Variants in PCDHA6 observed in about 807,000 individuals in gnomAD.
The protein encoded by PCDHA6 is protocadherin alpha-6.
In PCDHA6, 55 loss-of-function variants were observed where a neutral mutation model predicts 60.3. The ratio of observed to expected loss-of-function variants is 0.91; its 90% CI spans 0.73 to 1.14. The LOEUF is 1.14. PCDHA6 is among the 50% of genes most tolerant of loss of function. PCDHA6 has a pLI of 0.00. For synonymous variants in PCDHA6, 652 were observed against 557.9 expected, an observed-to-expected ratio of 1.17 and a Z score of -2.38; for missense variants, 1,327 against 1,256.5, an observed-to-expected ratio of 1.06 and a Z score of -0.85.
intron 1 of PCDHA6, among the ~76,000 whole-genome samples, chr5:140,838,676 C>T (rs1236293841): frequency 6.6e-6 from 1 of 152,090 alleles, no homozygotes; most frequent in East Asian, 1.9e-4. Flanking sequence ...TGGCACACAC[C>T]TTTAACCCCA....
At chr5:140,888,938 G>T (rs947628683) in intron 1 of PCDHA6, among the ~76,000 whole-genome samples, 1 of 151,864 alleles carries the variant, frequency 6.6e-6, no homozygotes, top group Admixed American at 6.6e-5. Flanking sequence ...TTTGAGGGAG[G>T]TATAAATTTT....
Position 140,882,079 on chromosome 5 carries a change from G to A in PCDHA6, c.2394+51594G>A. ...CTTACACGTTCATGCGCATGGTGTC[G>A]CTCTTCACTGAGAACGTTTCCGCGA... On this transcript the variant is annotated intron_variant, in intron 1 of 3. Transcript: ENST00000529310. The A allele has an allele frequency of 3.1e-6, 3 of 952,852 alleles. No homozygotes were observed. In the East Asian group the frequency reaches 7.8e-5, roughly 25 times the overall value. 59.0% of individuals were successfully genotyped at this position (952,852 alleles called of 1,614,324 possible). A position where few individuals can be genotyped will look rare whatever the true frequency, so the allele number is the denominator to read the frequency against.
At chr5:140,869,718 T>C in intron 1 of PCDHA6, 1 of 1,613,408 alleles carries the variant, frequency 6.2e-7, no homozygotes, top group Non-Finnish European at 8.5e-7. Context: ...GAGAGAAAAC[T>C]CCGGAACTTA....
intron 1 of PCDHA6, chr5:140,928,140 G>C (rs200493520): frequency 2.5e-5 from 41 of 1,614,036 alleles, no homozygotes; most frequent in Non-Finnish European, 3.2e-5. Context: ...TCCTGATCAC[G>C]GCCTCAGATA....
At chr5:140,869,560 C>T in intron 1 of PCDHA6, 1 of 1,614,158 alleles carries the variant, frequency 6.2e-7, no homozygotes, top group Non-Finnish European at 8.5e-7. Context: ...CTCGCGTTTT[C>T]CACTAGAGGG....
intron 1 of PCDHA6, chr5:140,875,641 G>A (rs782380583): frequency 6.2e-7 from 1 of 1,613,690 alleles, no homozygotes; most frequent in South Asian, 1.1e-5. Flanking sequence ...GCTGGAGCTG[G>A]CGGAGCTGGT....
intron 1 of PCDHA6, chr5:140,928,185 C>CA: frequency 1.2e-6 from 2 of 1,614,184 alleles, no homozygotes; most frequent in Non-Finnish European, 1.7e-6. Context: ...GAAGGACAAT[C>CA]ACTGTGTCAG....
At chr5:140,914,646 C>A (rs2076792238) in intron 1 of PCDHA6, among the ~76,000 whole-genome samples, 1 of 152,018 alleles carries the variant, frequency 6.6e-6, no homozygotes, top group Admixed American at 6.5e-5. Context: ...ATGGTCATCT[C>A]TCCCTTCTTT....
At chr5:140,872,095 C>G (rs2053482377) in intron 1 of PCDHA6, among the ~76,000 whole-genome samples, 1 of 152,150 alleles carries the variant, frequency 6.6e-6, no homozygotes, top group African/African-American at 2.4e-5. Context: ...GCACTTAGTC[C>G]ATTGGCTTTC....
rs544594142 is a variant in PCDHA6, at chr5:141,011,456, T to C, written c.*1519T>C. On this transcript the variant is annotated 3_prime_UTR_variant, in exon 4 of 4. Transcript: ENST00000529310. Reference sequence around the variant, plus strand: ...TACCTAGAGTGAACTTTAAGCTTTATTGTTGAATGTAATTCCATTATATTT... The same window carrying C: ...TACCTAGAGTGAACTTTAAGCTTTACTGTTGAATGTAATTCCATTATATTT... The C allele has an allele frequency of 1.3e-5, 2 of 153,928 alleles. No homozygotes were observed. The highest frequency in any genetic ancestry group is 6.8e-3 in the Middle Eastern group (2 of 292). 9.5% of individuals were successfully genotyped at this position (153,928 alleles called of 1,614,324 possible).
intron 1 of PCDHA6, among the ~76,000 whole-genome samples, chr5:140,937,805 G>A (rs1192616946): frequency 1.3e-5 from 2 of 149,798 alleles, no homozygotes; most frequent in African/African-American, 2.5e-5. Context: ...CCAGCTACTC[G>A]GGAAGCTGAG....
intron 1 of PCDHA6, chr5:140,848,954 A>G (rs2150426355): frequency 1.4e-5 from 23 of 1,606,754 alleles, no homozygotes; most frequent in Admixed American, 5.1e-5. Flanking sequence ...CTCGGTTTCC[A>G]CTAGAGGGCG....
At chr5:140,840,992 T>G (rs2150176652) in intron 1 of PCDHA6, among the ~76,000 whole-genome samples, 1 of 152,166 alleles carries the variant, frequency 6.6e-6, no homozygotes, top group African/African-American at 2.4e-5. Context: ...TAGCTGAAAC[T>G]AATGTAAGGA....
intron 1 of PCDHA6, among the ~76,000 whole-genome samples, chr5:140,838,200 G>A (rs1223762976): frequency 2.7e-5 from 4 of 149,112 alleles, no homozygotes; most frequent in Non-Finnish European, 4.4e-5. Context: ...TGCAAAATCC[G>A]CCTCTCTGGT....
intron 1 of PCDHA6, chr5:140,968,379 A>C: frequency 6.2e-7 from 1 of 1,614,034 alleles, no homozygotes; most frequent in Non-Finnish European, 8.5e-7. Context: ...AACTCCTTTG[A>C]CTATGAGAAG....
intron 1 of PCDHA6, chr5:140,864,363 C>G (rs1389030549): frequency 6.6e-6 from 1 of 152,156 alleles, no homozygotes; most frequent in Non-Finnish European, 1.5e-5. Flanking sequence ...GTTTATCTTT[C>G]TATAATCGAT....
chr5:140,955,796 A>G (rs1432865248), intron 1 of PCDHA6, among the ~76,000 whole-genome samples: 3 of 152,004 alleles, frequency 2.0e-5, no homozygotes, highest in Non-Finnish European at 4.4e-5. Context: ...ATGTTTTTCT[A>G]TTTGTTTGTG....
chr5:140,850,957 C>T (rs2150503952), intron 1 of PCDHA6: 2 of 1,481,512 alleles, frequency 1.3e-6, no homozygotes, highest in Non-Finnish European at 9.0e-7. Context: ...CGATTACTCC[C>T]AGGGGCCGTT....
chr5:140,892,941 A>G (rs1554185454), intron 1 of PCDHA6, among the ~76,000 whole-genome samples: 1 of 152,178 alleles, frequency 6.6e-6, no homozygotes, highest in African/African-American at 2.4e-5. Context: ...GATAAGCACA[A>G]TACTACTTCC....
Sources: allele counts gnomAD v4.1 joint callset (sites outside exome capture counted in the v4.1 genomes callset), GRCh38; gene constraint gnomAD v4.1.1; transcripts MANE v1.5; gene names NCBI Gene and HGNC (gene_info 2026-07-23, HGNC 2026-07-21).